The following GDAP1 variants were observed in gnomAD, a reference collection of about 807,000 sequenced individuals.
The protein encoded by GDAP1 is ganglioside-induced differentiation-associated protein 1.
A neutral mutation model predicts 40.1 loss-of-function variants in GDAP1; 34 were observed. The ratio of observed to expected loss-of-function variants is 0.85; its 90% confidence interval spans 0.64 to 1.13. The LOEUF is 1.13. GDAP1 is among the 50% of genes most tolerant of loss of function. The pLI is 0.00. For synonymous variants in GDAP1, 170 were observed against 157.4 expected (o/e 1.08, Z -0.60); for missense variants, 374 against 433.7 (o/e 0.86, Z 1.22).
At chr8:74,391,565 A>T (rs1302377207) in intron 2 of GDAP1, among the ~76,000 whole-genome samples, 1 of 151,768 alleles carries the variant, frequency 6.6e-6, no homozygotes, top group Non-Finnish European at 1.5e-5. Flanking sequence ...GGAAATGCAG[A>T]AATCACCCAC....
In GDAP1 at chr8:74,414,154, T is replaced by A. The variant is rs541262144; in HGVS notation, c.165+62833T>A. On this transcript the variant is annotated intron_variant, in intron 2 of 2. Coordinates refer to the GDAP1 transcript ENST00000523640. ...AGAAAGTGGATTGACTTTAATCTGA[T>A]CAATTGAATGCCCAAATAAAAACAA... 1.1e-4 allele frequency among the ~76,000 whole-genome samples: 16 copies of A among 150,370 alleles called. 1 individual carries two copies. Among genetic ancestry groups the A allele is most frequent in the Non-Finnish European group, 1.9e-4 (13 of 68,028 alleles).
chr8:74,456,732 T>C (rs897004132), intron 2 of GDAP1, among the ~76,000 whole-genome samples: 1 of 152,170 alleles, frequency 6.6e-6, no homozygotes, highest in Admixed American at 6.5e-5. Flanking sequence ...AAACCCACTA[T>C]GCAATTATAA....
chr8:74,422,321 CTT>C (rs1313919202), intron 2 of GDAP1, among the ~76,000 whole-genome samples: 1 of 51,762 alleles, frequency 1.9e-5, no homozygotes, highest in Admixed American at 2.6e-4. Flanking sequence ...TTCTTTCTTT[CTT>C]TCTTTCTTTC....
chr8:74,462,875 G>A lies in GDAP1; in HGVS notation c.166-25803G>A, dbSNP rs141604049. Reference sequence around the variant, plus strand: ...ATTTGAGTGATGAAGTGACAAGGACGTAAGTTGAAATCAATACAAATACAA... The same window carrying A: ...ATTTGAGTGATGAAGTGACAAGGACATAAGTTGAAATCAATACAAATACAA... On this transcript the variant is annotated intron_variant, in intron 2 of 2. Transcript: ENST00000523640. Among the ~76,000 whole-genome samples the A allele has an allele frequency of 4.6e-3, 695 of 151,606 alleles. 5 individuals are homozygous for A. Among genetic ancestry groups the A allele is most frequent in the African/African-American group, 0.015 (608 of 41,328 alleles).
chr8:74,430,366 A>T (rs1328483899), intron 2 of GDAP1, among the ~76,000 whole-genome samples: 1 of 152,236 alleles, frequency 6.6e-6, no homozygotes, highest in Non-Finnish European at 1.5e-5. Context: ...CTGGAGTAGC[A>T]TAAGACTAGA....
intron 2 of GDAP1, among the ~76,000 whole-genome samples, chr8:74,426,058 T>C (rs2131562155): frequency 6.6e-6 from 1 of 152,328 alleles, no homozygotes; most frequent in African/African-American, 2.4e-5. Flanking sequence ...TCTGCTAGCT[T>C]AGATATACAT....
At chr8:74,368,919 A>C (rs1292227266), downstream of GDAP1, among the ~76,000 whole-genome samples, 2 of 152,210 alleles carry the variant, frequency 1.3e-5, no homozygotes, top group Non-Finnish European at 2.9e-5. Flanking sequence ...GGATATTGCC[A>C]AATGTCACCA....
At chr8:74,352,120 G>T (rs965350539) in intron 2 of GDAP1, among the ~76,000 whole-genome samples, 1 of 152,160 alleles carries the variant, frequency 6.6e-6, no homozygotes, top group Admixed American at 6.5e-5. Context: ...AAAGCAACAG[G>T]GTTGCCCAAA....
intron 2 of GDAP1, among the ~76,000 whole-genome samples, chr8:74,404,465 A>G (rs1036873550): frequency 6.7e-6 from 1 of 149,502 alleles, no homozygotes; most frequent in Non-Finnish European, 1.5e-5. Context: ...ATATAAATAT[A>G]TTTAATATAA....
In GDAP1 at chr8:74,402,223, G is replaced by A. The variant is rs372074098; in HGVS notation, c.165+50902G>A. ...GGGCTCCACCCAATTGGAGCTTCCC[G>A]GCTGCTTTGTTTACCTAAGCAAGCC... On this transcript the variant is annotated intron_variant, in intron 2 of 2. Coordinates refer to the GDAP1 transcript ENST00000523640. Among the ~76,000 whole-genome samples, 82 of 150,570 alleles carry A rather than the reference G, an allele frequency of 5.4e-4. 1 individual carries two copies. In the East Asian group the frequency reaches 0.01, roughly 19 times the overall value.
chr8:74,400,858 T>C (rs1041494902), intron 2 of GDAP1, among the ~76,000 whole-genome samples: 1 of 149,572 alleles, frequency 6.7e-6, no homozygotes, highest in African/African-American at 2.6e-5. Context: ...AATTCTTTTC[T>C]TTAAGAATGT....
chr8:74,360,049 T>C, intron 2 of GDAP1, 88 bp from the exon 3 acceptor site: 2 of 816,324 alleles, frequency 2.5e-6, no homozygotes, highest in Non-Finnish European at 4.2e-6. Context: ...AAAATGTTAA[T>C]GATGAGTGGA....
At chr8:74,426,569 TC>T (rs1805950312) in intron 2 of GDAP1, among the ~76,000 whole-genome samples, 2 of 152,250 alleles carry the variant, frequency 1.3e-5, no homozygotes, top group Non-Finnish European at 2.9e-5. Context: ...ACGTTACTTT[TC>T]TTGAATACTG....
chr8:74,427,193 A>G (rs1224365142), intron 2 of GDAP1, among the ~76,000 whole-genome samples: 1 of 152,222 alleles, frequency 6.6e-6, no homozygotes, highest in East Asian at 1.9e-4. Context: ...TCCAGCTGAC[A>G]GCCAGAATCA....
intron 2 of GDAP1, among the ~76,000 whole-genome samples, chr8:74,414,240 T>A (rs1229540386): frequency 6.7e-6 from 1 of 150,208 alleles, no homozygotes; most frequent in Non-Finnish European, 1.5e-5. Flanking sequence ...ATTCAAAATG[T>A]CTTCAATGTA....
rs2131521657 is a variant in GDAP1, at chr8:74,364,095, G to A, written c.805G>A (p.Gly269Arg). ...KFLGFARRNW[G>R]NGKRPNLETY... ...CCTGGGGTTTGCAAGGAGAAACTGG[G>A]GAAACGGAAAGCGACCAAACTTGGA... The change falls in exon 6 of 6, where the codon GGA becomes AGA. Residue 269 changes from glycine to arginine, a missense_variant. Coordinates refer to ENST00000220822, the MANE Select transcript of GDAP1 (RefSeq NM_018972.4). 3.1e-6 allele frequency: 5 copies of A among 1,614,148 alleles called. No individual in the cohort carries two copies. The highest frequency in any genetic ancestry group is 4.2e-6 in the Non-Finnish European group (5 of 1,180,020).
chr8:74,369,981 C>T (rs1265063121), downstream of GDAP1, among the ~76,000 whole-genome samples: 1 of 152,140 alleles, frequency 6.6e-6, no homozygotes, highest in Non-Finnish European at 1.5e-5. Context: ...GAAAATACCC[C>T]TTAAAAACTT....
intron 2 of GDAP1, among the ~76,000 whole-genome samples, chr8:74,393,391 G>A (rs1364202337): frequency 1.3e-5 from 2 of 152,090 alleles, no homozygotes; most frequent in African/African-American, 4.8e-5. Context: ...TTTAGGATAA[G>A]GAATGATGGT....
chr8:74,446,190 G>T (rs188102445), intron 2 of GDAP1, among the ~76,000 whole-genome samples: 10 of 152,284 alleles, frequency 6.6e-5, no homozygotes, highest in Admixed American at 6.5e-4. Context: ...CAATATTCTG[G>T]AGTCTTTTAA....
Sources: allele counts gnomAD v4.1 joint callset (sites outside exome capture counted in the v4.1 genomes callset), GRCh38; gene constraint gnomAD v4.1.1; transcripts MANE v1.5; gene names NCBI Gene and HGNC (gene_info 2026-07-23, HGNC 2026-07-21).